Variants in CEP63 observed in about 807,000 individuals in gnomAD.
The protein encoded by CEP63 is centrosomal protein of 63 kDa.
In CEP63, 84 loss-of-function variants were observed where a neutral mutation model predicts 89.1. The observed-to-expected ratio is 0.94, with a 90% CI of 0.79 to 1.13. CEP63 has a LOEUF of 1.13. Among genes scored for constraint, CEP63 ranks in the 50% most tolerant of loss-of-function variants. The pLI is 0.00. For missense variants in CEP63, 838 were observed against 813.3 expected, an observed-to-expected ratio of 1.03 and a Z score of -0.37; for synonymous variants, 267 against 272.5, an observed-to-expected ratio of 0.98 and a Z score of 0.20.
At chr3:134,566,980 C>G (rs1287079147), downstream of CEP63, among the ~76,000 whole-genome samples, 1 of 152,166 alleles carries the variant, frequency 6.6e-6, no homozygotes, top group African/African-American at 2.4e-5. Context: ...ATCTTAGCAA[C>G]ATTATTCACA....
chr3:134,527,477 GT>G (rs1216734692), intron 3 of CEP63, among the ~76,000 whole-genome samples: 10 of 152,156 alleles, frequency 6.6e-5, no homozygotes, highest in African/African-American at 2.4e-4. Context: ...TGCAGTGGTG[GT>G]CAGTGGGGAC....
chr3:134,781,974 A>G, the CEP63 span, among the ~76,000 whole-genome samples: 1 of 152,194 alleles, frequency 6.6e-6, no homozygotes, highest in African/African-American at 2.4e-5. Context: ...TCCCCACTTT[A>G]AAGAGAATGC....
the CEP63 span, among the ~76,000 whole-genome samples, chr3:134,755,971 T>C: frequency 4.6e-5 from 7 of 152,170 alleles, no homozygotes; most frequent in East Asian, 1.3e-3. Context: ...CTGAGCCCCA[T>C]CCAGGGGACA....
chr3:134,635,295 G>A, the CEP63 span, among the ~76,000 whole-genome samples: 2 of 152,020 alleles, frequency 1.3e-5, no homozygotes, highest in Non-Finnish European at 2.9e-5. Context: ...TCAGGAGTTT[G>A]AGACAAGCCT....
the CEP63 span, among the ~76,000 whole-genome samples, chr3:134,694,140 A>C: frequency 6.6e-6 from 1 of 152,198 alleles, no homozygotes; most frequent in Non-Finnish European, 1.5e-5. Context: ...TGTGAAGGGC[A>C]GGGGGCTCTC....
chr3:134,608,723 T>C, the CEP63 span: 3 of 1,614,078 alleles, frequency 1.9e-6, no homozygotes, highest in Admixed American at 3.3e-5. Context: ...GTGATACATG[T>C]TGTTCTCAAA....
the CEP63 span, chr3:134,643,278 T>C: frequency 6.2e-7 from 1 of 1,607,216 alleles, no homozygotes; most frequent in South Asian, 1.1e-5. Context: ...TGGGCACACC[T>C]CTGCAGGGGA....
At chr3:134,612,696 T>A in the CEP63 span, among the ~76,000 whole-genome samples, 1 of 151,544 alleles carries the variant, frequency 6.6e-6, no homozygotes, top group Admixed American at 6.6e-5. Flanking sequence ...CCTGACACGA[T>A]GTGAACTGAC....
At chr3:134,698,538 T>C in the CEP63 span, among the ~76,000 whole-genome samples, 1 of 152,200 alleles carries the variant, frequency 6.6e-6, no homozygotes. Context: ...CTGCCAAGAA[T>C]GCAGTCTCTT....
the CEP63 span, among the ~76,000 whole-genome samples, chr3:134,595,051 C>T: frequency 6.6e-6 from 1 of 152,152 alleles, no homozygotes; most frequent in East Asian, 1.9e-4. Flanking sequence ...CAGTGCTCCC[C>T]ACTGGTCTGA....
At chr3:134,754,785 C>T in the CEP63 span, among the ~76,000 whole-genome samples, 275 of 152,258 alleles carry the variant, frequency 1.8e-3, no homozygotes, top group African/African-American at 5.6e-3. Flanking sequence ...GGGCTCCAGA[C>T]GCCACGCCCC....
chr3:134,641,592 C>T, the CEP63 span, among the ~76,000 whole-genome samples: 4 of 152,056 alleles, frequency 2.6e-5, no homozygotes, highest in African/African-American at 7.2e-5. Flanking sequence ...GACTTTAGCC[C>T]GGTGAAACAG....
chr3:134,729,743 T>A, the CEP63 span, among the ~76,000 whole-genome samples: 2 of 152,126 alleles, frequency 1.3e-5, no homozygotes, highest in South Asian at 4.1e-4. Flanking sequence ...AGCAGGTAAA[T>A]GATAGTTCTA....
At chr3:134,565,870 G>C (rs535398960), downstream of CEP63, among the ~76,000 whole-genome samples, 1 of 152,086 alleles carries the variant, frequency 6.6e-6, no homozygotes, top group East Asian at 1.9e-4. Context: ...ATCCAGAAGA[G>C]AAGTCCAACA....
chr3:134,749,548 A>G, the CEP63 span, among the ~76,000 whole-genome samples: 1 of 151,952 alleles, frequency 6.6e-6, no homozygotes, highest in African/African-American at 2.4e-5. Context: ...AAAAGGTAAT[A>G]TAAAAATCCA....
At chr3:134,777,703 T>C in the CEP63 span, among the ~76,000 whole-genome samples, 1 of 143,990 alleles carries the variant, frequency 6.9e-6, no homozygotes, top group Non-Finnish European at 1.5e-5. Context: ...AACCTCCGCC[T>C]CTCAGGTTCA....
Position 134,561,554 on chromosome 3 carries a change from A to G in CEP63, c.*19A>G, listed in dbSNP as rs764091070. On this transcript the variant is annotated 3_prime_UTR_variant, in exon 15 of 15. Transcript: ENST00000675561. ...AAAGTAGCCTCTTAAAAAAATCACT[A>G]TCTTGGAAATAAAAATAAACACCAA... 5.0e-6 allele frequency: 8 copies of G among 1,602,076 alleles called. No homozygotes were observed. The highest frequency in any genetic ancestry group is 6.8e-6 in the Non-Finnish European group (8 of 1,172,840).
At chr3:134,725,399 T>C in the CEP63 span, among the ~76,000 whole-genome samples, 7 of 152,202 alleles carry the variant, frequency 4.6e-5, no homozygotes, top group East Asian at 1.9e-4. Flanking sequence ...CAAATACATA[T>C]GAGTGCTGTG....
At chr3:134,512,170 A>G (rs1945133832) in intron 3 of CEP63, among the ~76,000 whole-genome samples, 1 of 152,244 alleles carries the variant, frequency 6.6e-6, no homozygotes, top group African/African-American at 2.4e-5. Flanking sequence ...TTCAAGACAT[A>G]CTTGATTTAC....
Sources: gnomAD v4.1 joint callset for allele counts (sites outside exome capture counted in the v4.1 genomes callset) on GRCh38, gnomAD v4.1.1 for gene constraint, MANE v1.5 for transcripts, NCBI Gene and HGNC (gene_info 2026-07-23, HGNC 2026-07-21) for gene names.